Variants in ZFHX3 observed in about 807,000 individuals in gnomAD.
ZFHX3 encodes the protein zinc finger homeobox protein 3.
ZFHX3 carries 42 observed loss-of-function variants against 279.1 expected under a neutral mutation model. That is an observed-to-expected ratio of 0.15 (90% CI 0.12 to 0.19). The LOEUF (loss-of-function observed/expected upper bound fraction) is 0.19. ZFHX3 is among the 10% of genes least tolerant of loss of function. The pLI is 1.00. For missense variants in ZFHX3, 4,981 were observed against 4,754.0 expected (o/e 1.05, Z -1.40); for synonymous variants, 2,293 against 1,957.8 (o/e 1.17, Z -4.52).
rs145062854 is a variant in ZFHX3 at position 72,957,662 on chromosome 16, G to A, written c.2484C>T (p.His828=). ...GTTGCAGTAACATCATGTTATGCAT[G>A]TGCTTCTCACTGGTCATGTGAATGC... ...NLRIHMTSEK[H]MHNMMLLQQN... The change falls in exon 2 of 10, where the codon CAC becomes CAT. Residue 828 remains histidine (H), a synonymous_variant. Coordinates refer to ENST00000268489, the MANE Select transcript of ZFHX3 (RefSeq NM_006885.4). 9.9e-6 allele frequency: 16 copies of A among 1,614,208 alleles called. No individual in the cohort carries two copies. The highest frequency in any genetic ancestry group is 1.2e-5 in the Non-Finnish European group (14 of 1,180,046).
chr16:73,583,575 A>G (rs937744710), intron 2 of ZFHX3, among the ~76,000 whole-genome samples: 2 of 152,238 alleles, frequency 1.3e-5, no homozygotes, highest in African/African-American at 2.4e-5. Flanking sequence ...GGAGATAACA[A>G]TGAAATTTAT....
chr16:73,722,547 C>T (rs139242215), intron 1 of ZFHX3, among the ~76,000 whole-genome samples: 16 of 152,136 alleles, frequency 1.1e-4, no homozygotes, highest in African/African-American at 2.7e-4. Context: ...CAGTAGGCAG[C>T]GTACTCTATG....
At chr16:73,601,870 A>T (rs2052121909) in intron 2 of ZFHX3, among the ~76,000 whole-genome samples, 1 of 152,236 alleles carries the variant, frequency 6.6e-6, no homozygotes, top group Non-Finnish European at 1.5e-5. Context: ...GGAAAAAAAC[A>T]TGTGAGTGTA....
At chr16:73,248,725 T>C (rs2013387699) in intron 5 of ZFHX3, among the ~76,000 whole-genome samples, 2 of 152,154 alleles carry the variant, frequency 1.3e-5, no homozygotes, top group Admixed American at 1.3e-4. Context: ...CCCTATGTGC[T>C]GAGTATGCAC....
intron 6 of ZFHX3, among the ~76,000 whole-genome samples, chr16:73,136,543 G>A (rs1456000693): frequency 1.3e-5 from 2 of 151,724 alleles, no homozygotes; most frequent in South Asian, 2.1e-4. Context: ...GGCAAACATG[G>A]TGAAACCTCG....
intron 3 of ZFHX3, among the ~76,000 whole-genome samples, chr16:72,949,357 G>C (rs1960862203): frequency 6.6e-6 from 1 of 152,204 alleles, no homozygotes; most frequent in Admixed American, 6.5e-5. Context: ...AATGAAAAGA[G>C]AGAGCGAGGG....
At chr16:73,007,322 G>T (rs1280834684) in intron 1 of ZFHX3, among the ~76,000 whole-genome samples, 1 of 152,140 alleles carries the variant, frequency 6.6e-6, no homozygotes, top group Non-Finnish European at 1.5e-5. Context: ...AAATCAACTG[G>T]GATGCTTTAC....
At chr16:73,479,642 T>C (rs2018829545) in intron 2 of ZFHX3, among the ~76,000 whole-genome samples, 1 of 152,184 alleles carries the variant, frequency 6.6e-6, no homozygotes, top group Non-Finnish European at 1.5e-5. Flanking sequence ...TGTTCTTTCT[T>C]CCTCAGTCTG....
intron 7 of ZFHX3, among the ~76,000 whole-genome samples, chr16:73,114,395 G>A (rs1390050111): frequency 6.6e-6 from 1 of 152,122 alleles, no homozygotes; most frequent in African/African-American, 2.4e-5. Context: ...TGGGTAAACT[G>A]TCAGTCATGG....
intron 3 of ZFHX3, among the ~76,000 whole-genome samples, chr16:73,426,713 G>C: frequency 6.6e-6 from 1 of 152,156 alleles, no homozygotes; most frequent in East Asian, 1.9e-4. Context: ...ACATGCTATT[G>C]AGAGATACTC....
At chr16:73,865,984 CAAACAAAACA>C (rs1011503859) in intron 1 of ZFHX3, among the ~76,000 whole-genome samples, 82 of 152,004 alleles carry the variant, frequency 5.4e-4, no homozygotes, top group African/African-American at 1.8e-3. Flanking sequence ...GACTCCGTCT[CAAACAAAACA>C]AAACAAAACA....
At chr16:73,728,175 A>G (rs1320769735) in intron 1 of ZFHX3, among the ~76,000 whole-genome samples, 1 of 152,040 alleles carries the variant, frequency 6.6e-6, no homozygotes, top group Non-Finnish European at 1.5e-5. Context: ...TTATAAGAAA[A>G]GGAGATTTGG....
rs376837038 is a variant in ZFHX3 at position 72,950,791 on chromosome 16, A to G, written c.2894T>C (p.Met965Thr). 3.7e-6 allele frequency: 6 copies of G among 1,614,098 alleles called. No individual in the cohort carries two copies. Among genetic ancestry groups the G allele is most frequent in the African/African-American group, 1.3e-5 (1 of 74,946 alleles). ...TDNLDMLGLH[M>T]NVERSLSEDE... The stretch of plus-strand genomic sequence containing the variant: ...CTCCGACAGGCTGCGCTCCACGTTC[A>G]TGTGCAGGCCCAGCATGTCCAGGTT... The change falls in exon 3 of 10, where the codon ATG becomes ACG. Residue 965 changes from methionine to threonine, a missense_variant. By Grantham distance (81) the Met-to-Thr change is moderately conservative. Transcript: ENST00000268489.
intron 6 of ZFHX3, among the ~76,000 whole-genome samples, chr16:73,136,741 A>T (rs1883773464): frequency 6.6e-6 from 1 of 151,078 alleles, no homozygotes; most frequent in Non-Finnish European, 1.5e-5. Context: ...AAAAAAAAAA[A>T]AAAAAAAAAG....
At chr16:73,131,688 C>A (rs143965164) in intron 6 of ZFHX3, among the ~76,000 whole-genome samples, 251 of 152,326 alleles carry the variant, frequency 1.6e-3, no homozygotes, top group African/African-American at 5.7e-3. Context: ...AGTACAAGAT[C>A]TGATTTCTTT....
chr16:73,054,771 T>G (rs1370504258), intron 1 of ZFHX3, among the ~76,000 whole-genome samples: 1 of 152,128 alleles, frequency 6.6e-6, no homozygotes, highest in Non-Finnish European at 1.5e-5. Context: ...GGCATATATA[T>G]AGCCGCCGTT....
At chr16:73,558,951 G>A (rs961900713) in intron 2 of ZFHX3, among the ~76,000 whole-genome samples, 3 of 151,852 alleles carry the variant, frequency 2.0e-5, no homozygotes, top group Non-Finnish European at 4.4e-5. Context: ...CTGACCTCAA[G>A]TGATCTGCCC....
At chr16:73,059,604 A>G (rs1460792283) in exon 1 of ZFHX3, 1 of 146,528 alleles carries the variant, frequency 6.8e-6, no homozygotes, top group Non-Finnish European at 1.5e-5. Context: ...GGAAAAGAGC[A>G]TCTCCAAAGA....
rs2052343265 is a variant in ZFHX3, at chr16:73,620,080, T to C, written c.-1547+60100A>G. On this transcript the variant is annotated intron_variant, in intron 2 of 17. Coordinates refer to the ZFHX3 transcript ENST00000641206. ...CTGGGACTACAGGTGTGCACCACCA[T>C]GCAGGCTCTTAGCAGGCTTTAATAA... Among the ~76,000 whole-genome samples the C allele has an allele frequency of 3.3e-5, 5 of 152,298 alleles. No individual in the cohort carries two copies. The South Asian group carries it at 1.0e-3, about 32-fold the overall frequency.
Sources: allele counts gnomAD v4.1 joint callset (sites outside exome capture counted in the v4.1 genomes callset), GRCh38; gene constraint gnomAD v4.1.1; transcripts MANE v1.5; gene names NCBI Gene and HGNC (gene_info 2026-07-23, HGNC 2026-07-21).